The following SH3TC2 variants were observed in gnomAD, a reference collection of about 807,000 sequenced individuals.
The protein encoded by SH3TC2 is SH3 domain and tetratricopeptide repeat-containing protein 2.
In SH3TC2, 87 loss-of-function variants were observed where a neutral mutation model predicts 124.5. The ratio of observed to expected loss-of-function variants is 0.70; its 90% confidence interval spans 0.59 to 0.84. The LOEUF (loss-of-function observed/expected upper bound fraction) is 0.84, where lower values mean the gene tolerates loss of function less well. Ranked by LOEUF, SH3TC2 falls within the 40% of genes least tolerant of loss-of-function variation. SH3TC2 has a pLI of 0.00. For synonymous variants in SH3TC2, 634 were observed against 628.5 expected (o/e 1.01, Z -0.13); for missense variants, 1,536 against 1,566.4 (o/e 0.98, Z 0.33).
rs965106554 is a variant in SH3TC2, at chr5:149,000,951, A to T, written c.*3760T>A. On this transcript the variant is annotated 3_prime_UTR_variant, in exon 17 of 17. Transcript: ENST00000515425. ...AAAAACCCAGAGGTGAGGTTCTTTT[A>T]TCAGAGGACAAATATCTGAGATGTG... is the stretch of plus-strand genomic sequence containing the variant. Among the ~76,000 whole-genome samples the T allele has an allele frequency of 6.6e-6, 1 of 152,218 alleles. No homozygotes were observed. The highest frequency in any genetic ancestry group is 1.5e-5 in the Non-Finnish European group (1 of 68,034).
intron 8 of SH3TC2, among the ~76,000 whole-genome samples, 171 bp from the exon 9 acceptor site, chr5:149,031,858 A>C (rs994329381): frequency 1.3e-5 from 2 of 152,212 alleles, no homozygotes; most frequent in Non-Finnish European, 2.9e-5. Context: ...TTATACTGCC[A>C]AAAAAGAAGA....
At position 148,993,530 on chromosome 5, in the gene SH3TC2, A is replaced by G. The variant is rs1262857254; in HGVS notation, c.*11181T>C. ...CTTTCTTGATAAAAATTCAGCCATTATTGGTGTTTTTAATGTTGTAGTTAT... is the reference window on the plus strand; with the variant it reads ...CTTTCTTGATAAAAATTCAGCCATTGTTGGTGTTTTTAATGTTGTAGTTAT... On this transcript the variant is annotated 3_prime_UTR_variant, in exon 17 of 17. Transcript: ENST00000515425. Among the ~76,000 whole-genome samples, 1 of 152,234 alleles carries G rather than the reference A, an allele frequency of 6.6e-6. No individual in the cohort carries two copies. Among genetic ancestry groups the G allele is most frequent in the African/African-American group, 2.4e-5 (1 of 41,464 alleles).
rs772312949 is a variant in SH3TC2, at chr5:148,999,473, C to T, written c.*5238G>A. Among the ~76,000 whole-genome samples, 2 of 152,168 alleles carry T rather than the reference C, an allele frequency of 1.3e-5. No individual in the cohort carries two copies. Among genetic ancestry groups the T allele is most frequent in the Non-Finnish European group, 2.9e-5 (2 of 68,032 alleles). ...CACCTGAGTGAGTGCAGAGCCCATT[C>T]CCTTGAATTTCTTCCTTCTTTGCCG... On this transcript the variant is annotated 3_prime_UTR_variant, in exon 17 of 17. Transcript: ENST00000515425.
At position 149,003,946 on chromosome 5, in the gene SH3TC2, T is replaced by C. The variant is rs925453306; in HGVS notation, c.*765A>G. 2 of 279,472 alleles carry C rather than the reference T, an allele frequency of 7.2e-6. No homozygotes were observed. The highest frequency in any genetic ancestry group is 3.1e-5 in the South Asian group (1 of 32,076). The allele number at this position is 279,472 out of a possible 1,614,324, so 17.3% of individuals were successfully genotyped here. ...CCCCCATTGTGGATGAGACAAAATG[T>C]GTGTGTAAATGTAACTGGACAATAT... On this transcript the variant is annotated 3_prime_UTR_variant, in exon 17 of 17. Transcript: ENST00000515425.
At chr5:149,025,738 A>C (rs554244517) in intron 12 of SH3TC2, 1 of 152,380 alleles carries the variant, frequency 6.6e-6, no homozygotes, top group African/African-American at 2.4e-5. Context: ...TCAAGTGATA[A>C]TAATGTGAAT....
rs201323132 is a variant in SH3TC2, at chr5:148,994,697, AGGAT to A, written c.*10010_*10013del. On this transcript the variant is annotated 3_prime_UTR_variant, in exon 17 of 17. Transcript: ENST00000515425. ...TTGGATAAATGAATGGATGGATGGA[AGGAT>A]GGATGGATGGATGGATGGATGGATG... Among the ~76,000 whole-genome samples, 5,931 of 144,794 alleles carry A rather than the reference AGGAT, an allele frequency of 0.041. 164 individuals are homozygous for A. The highest frequency in any genetic ancestry group is 0.055 in the Non-Finnish European group (3,647 of 66,132). The allele number at this position is 144,794 out of a possible 152,430, so 95.0% of individuals were successfully genotyped here. A position where few individuals can be genotyped will look rare whatever the true frequency, so the allele number is the denominator to read the frequency against.
chr5:148,983,230 G>A lies in SH3TC2; in HGVS notation c.*21481C>T, dbSNP rs1753279383. Among the ~76,000 whole-genome samples, 1 of 142,306 alleles carries A rather than the reference G, an allele frequency of 7.0e-6. No homozygotes were observed. The highest frequency in any genetic ancestry group is 9.3e-5 in the Admixed American group (1 of 10,722). The allele number at this position is 142,306 out of a possible 152,430, so 93.4% of individuals were successfully genotyped here. A position where few individuals can be genotyped will look rare whatever the true frequency, so the allele number is the denominator to read the frequency against. The stretch of plus-strand genomic sequence containing the variant: ...TTTTGTTACTTTGCTTCATTCGTTT[G>A]TTTGTTTTTCAAATTGCCACTTACC... On this transcript the variant is annotated 3_prime_UTR_variant, in exon 17 of 17. Transcript: ENST00000515425.
rs532159420 is a variant in SH3TC2 at position 148,985,053 on chromosome 5, A to G, written c.*19658T>C. Among the ~76,000 whole-genome samples, 3 of 152,248 alleles carry G rather than the reference A, an allele frequency of 2.0e-5. No individual in the cohort carries two copies. The highest frequency in any genetic ancestry group is 4.4e-5 in the Non-Finnish European group (3 of 67,998). On this transcript the variant is annotated 3_prime_UTR_variant, in exon 17 of 17. Transcript: ENST00000515425. ...CAACCTGGGCAAGCTAATCTGGTTA[A>G]CTGAGACTCTTCTTGATAGAACTTT...
At position 148,982,676 on chromosome 5, in the gene SH3TC2, C is replaced by T. The variant is rs544954149; in HGVS notation, c.*22035G>A. On this transcript the variant is annotated 3_prime_UTR_variant, in exon 17 of 17. Transcript: ENST00000515425. ...TAGTATGCTATAATATTTAAAATGG[C>T]GGGAGAGTATGTCACTGAATTGTTT... is the stretch of plus-strand genomic sequence containing the variant. 3.2e-4 allele frequency among the ~76,000 whole-genome samples: 48 copies of T among 152,058 alleles called. No homozygotes were observed. The highest frequency in any genetic ancestry group is 6.8e-3 in the Middle Eastern group (2 of 294).
intron 4 of SH3TC2, 83 bp from the exon 5 acceptor site, chr5:149,042,920 C>A: frequency 6.4e-7 from 1 of 1,551,352 alleles, no homozygotes; most frequent in East Asian, 2.3e-5. Context: ...AAATTCCCTC[C>A]TGAGCTTGAT....
rs200393404 is a variant in SH3TC2, at chr5:149,028,474, T to G, written c.1258A>C (p.Ser420Arg). Residue 420 changes from serine (S) to arginine (R), a missense_variant, in exon 11 of 17, where the codon AGC becomes CGC. Ser to Arg is a moderately radical substitution (Grantham distance 110). This residue lies in a region of SH3TC2 where 1,102 missense variants were observed against 1,098.6 expected (regional missense o/e 1.00). Coordinates refer to ENST00000515425, the MANE Select transcript of SH3TC2 (RefSeq NM_024577.4). Reference protein sequence around the residue: ...EHQAVGSRQSSSSEDSSLEEE... With the variant: ...EHQAVGSRQSRSSEDSSLEEE... ...TCCAGGCTGGAGTCCTCAGAGCTGC[T>G]GGACTGTCTGGACCCCACGGCCTGA... is the stretch of plus-strand genomic sequence containing the variant. 5 of 1,612,690 alleles carry G rather than the reference T, an allele frequency of 3.1e-6. No individual in the cohort carries two copies. The East Asian group carries it at 1.1e-4, about 36-fold the overall frequency.
rs55932017 is a variant in SH3TC2 at position 148,982,157 on chromosome 5, AT to A, written c.*22553del. Among the ~76,000 whole-genome samples the A allele has an allele frequency of 4.8e-3, 726 of 150,420 alleles. 9 individuals carry two copies. Among genetic ancestry groups the A allele is most frequent in the African/African-American group, 0.017 (701 of 41,012 alleles). ...ATGTCTCTGGAAACAGGATTCCAGT[AT>A]TTTTTTTTTATTTCTGTAGTTTAAA... On this transcript the variant is annotated 3_prime_UTR_variant, in exon 17 of 17. Coordinates refer to ENST00000515425, the MANE Select transcript of SH3TC2 (RefSeq NM_024577.4).
At chr5:149,060,152 T>C (rs1019059912) in intron 1 of SH3TC2, among the ~76,000 whole-genome samples, 3 of 152,244 alleles carry the variant, frequency 2.0e-5, no homozygotes, top group African/African-American at 7.2e-5. Context: ...CCACATCTTC[T>C]ATTTAAGGGC....
intron 12 of SH3TC2, among the ~76,000 whole-genome samples, chr5:149,024,191 G>T (rs1462453566): frequency 6.6e-6 from 1 of 152,122 alleles, no homozygotes; most frequent in Non-Finnish European, 1.5e-5. Flanking sequence ...TCCACACAAA[G>T]CTCCACCATT....
At chr5:149,035,275 T>A (rs1371825550) in intron 8 of SH3TC2, 1 of 152,240 alleles carries the variant, frequency 6.6e-6, no homozygotes, top group Non-Finnish European at 1.5e-5. Flanking sequence ...TTTCCTATGT[T>A]CTTTTTTCTG....
intron 9 of SH3TC2, among the ~76,000 whole-genome samples, chr5:149,031,275 C>A (rs933972106): frequency 1.3e-5 from 2 of 152,128 alleles, no homozygotes; most frequent in African/African-American, 4.8e-5. Context: ...TCTCCTCCCC[C>A]AAGATTAGGA....
chr5:149,042,687 C>T lies in SH3TC2; in HGVS notation c.529+7G>A, dbSNP rs747615694. The T allele has an allele frequency of 6.2e-7, 1 of 1,614,056 alleles. No homozygotes were observed. The highest frequency in any genetic ancestry group is 1.1e-5 in the South Asian group (1 of 91,080). Reference sequence around the variant, plus strand: ...AGATCCCATCTCTACCCCTATGCCACACTCACCTTCCTGTATCAGGAGTCC... The same window carrying T: ...AGATCCCATCTCTACCCCTATGCCATACTCACCTTCCTGTATCAGGAGTCC... On this transcript the variant is annotated splice_region_variant and intron_variant, in intron 5 of 16. Coordinates refer to ENST00000515425, the MANE Select transcript of SH3TC2 (RefSeq NM_024577.4).
In SH3TC2 at chr5:149,027,071, A is replaced by C; in HGVS notation, c.2661T>G (p.Leu887=). 6.2e-7 allele frequency: 1 copy of C among 1,614,160 alleles called. No individual in the cohort carries two copies. Among genetic ancestry groups the C allele is most frequent in the Non-Finnish European group, 8.5e-7 (1 of 1,180,012 alleles). ...VAMANLGHLS[L]KSWAQHPARN... ...TGGCTGGATGCTGAGCCCAGGACTT[A>C]AGGCTCAGGTGGCCAAGATTGGCCA... The change falls in exon 11 of 17, where the codon CTT becomes CTG. Residue 887 remains leucine, a synonymous_variant. Transcript: ENST00000515425.
At chr5:149,050,933 G>A (rs1271524797) in intron 2 of SH3TC2, among the ~76,000 whole-genome samples, 1 of 152,188 alleles carries the variant, frequency 6.6e-6, no homozygotes, top group Admixed American at 6.5e-5. Context: ...CTGTGTCGTG[G>A]TGAAGTCGTT....
Sources: allele counts gnomAD v4.1 joint callset (sites outside exome capture counted in the v4.1 genomes callset), GRCh38; gene constraint gnomAD v4.1.1; regional missense constraint gnomAD v4.1.1; transcripts MANE v1.5; gene names NCBI Gene and HGNC (gene_info 2026-07-23, HGNC 2026-07-21).